MAGI2: variants seen among roughly 807,000 people sequenced by gnomAD.
MAGI2 encodes the protein membrane associated guanylate kinase, WW and PDZ domain containing 2, also known as membrane-associated guanylate kinase, WW and PDZ domain-containing protein 2.
MAGI2 carries 35 observed loss-of-function variants against 133.3 expected under a neutral mutation model. That is an observed-to-expected ratio of 0.26 (90% CI 0.20 to 0.35). The LOEUF (loss-of-function observed/expected upper bound fraction) is 0.35, where lower values mean the gene tolerates loss of function less well. MAGI2 is among the 10% of genes least tolerant of loss of function. MAGI2 has a pLI of 1.00. For missense variants in MAGI2, 1,636 were observed against 1,863.4 expected (o/e 0.88, Z 2.25); for synonymous variants, 729 against 710.6 (o/e 1.03, Z -0.41).
At chr7:79,268,261 C>A (rs1190565132) in intron 1 of MAGI2, among the ~76,000 whole-genome samples, 1 of 152,130 alleles carries the variant, frequency 6.6e-6, no homozygotes, top group East Asian at 1.9e-4. Flanking sequence ...TGAACCTCAA[C>A]ACTGGAAATG....
intron 2 of MAGI2, among the ~76,000 whole-genome samples, chr7:78,937,885 A>C (rs1398258022): frequency 6.6e-6 from 1 of 152,144 alleles, no homozygotes; most frequent in Non-Finnish European, 1.5e-5. Flanking sequence ...CTCAAATAGA[A>C]ATTGTATTTG....
chr7:78,567,401 CA>C (rs1801055309), intron 3 of MAGI2, among the ~76,000 whole-genome samples: 2 of 151,796 alleles, frequency 1.3e-5, no homozygotes, highest in African/African-American at 4.8e-5. Context: ...ACTACACACA[CA>C]CACACACACA....
At chr7:78,655,986 AAAAAAAAAAAAG>A (rs1790714585) in intron 2 of MAGI2, among the ~76,000 whole-genome samples, 1 of 150,218 alleles carries the variant, frequency 6.7e-6, no homozygotes, top group African/African-American at 2.4e-5. Flanking sequence ...GTCTCAAAAA[AAAAAAAAAAAAG>A]AAAAAGAAAA....
chr7:78,872,526 T>G (rs2151524774), intron 2 of MAGI2, among the ~76,000 whole-genome samples: 1 of 152,190 alleles, frequency 6.6e-6, no homozygotes, highest in African/African-American at 2.4e-5. Flanking sequence ...AATTTCAATC[T>G]CAAACCATAA....
chr7:78,998,786 C>T (rs1388766669), intron 2 of MAGI2, among the ~76,000 whole-genome samples: 1 of 152,132 alleles, frequency 6.6e-6, no homozygotes, highest in African/African-American at 2.4e-5. Flanking sequence ...TATTCCTTTC[C>T]TTCAGCAATG....
intron 2 of MAGI2, among the ~76,000 whole-genome samples, chr7:78,689,723 G>C (rs1028271293): frequency 4.4e-4 from 14 of 31,762 alleles, no homozygotes; most frequent in Non-Finnish European, 6.4e-4. Flanking sequence ...TCAGTGTTTT[G>C]CTAAAATTTA....
chr7:78,425,116 G>A (rs890973357), intron 6 of MAGI2, among the ~76,000 whole-genome samples: 3 of 152,100 alleles, frequency 2.0e-5, no homozygotes, highest in African/African-American at 4.8e-5. Flanking sequence ...TACATGTCTT[G>A]GGAAGAACTT....
intron 2 of MAGI2, among the ~76,000 whole-genome samples, chr7:78,747,658 A>G (rs113078247): frequency 1.1e-4 from 17 of 152,326 alleles, no homozygotes; most frequent in African/African-American, 3.8e-4. Flanking sequence ...CAACTAACGC[A>G]GAATCTCTCC....
intron 1 of MAGI2, among the ~76,000 whole-genome samples, chr7:79,067,022 T>C (rs1053580401): frequency 6.6e-6 from 1 of 152,212 alleles, no homozygotes; most frequent in Non-Finnish European, 1.5e-5. Flanking sequence ...ACTTGTAGTA[T>C]AGTTTGAAAC....
At chr7:78,589,413 C>T (rs1803758154) in intron 3 of MAGI2, among the ~76,000 whole-genome samples, 1 of 152,162 alleles carries the variant, frequency 6.6e-6, no homozygotes, top group African/African-American at 2.4e-5. Flanking sequence ...GGGATTTGGA[C>T]CCAGCCAGCC....
chr7:78,193,844 C>T (rs1487173455), intron 12 of MAGI2, among the ~76,000 whole-genome samples: 2 of 151,964 alleles, frequency 1.3e-5, no homozygotes, highest in African/African-American at 4.8e-5. Context: ...TATTTTTCAA[C>T]CAAAATTAGT....
At chr7:78,936,276 T>C (rs1800510394) in intron 2 of MAGI2, among the ~76,000 whole-genome samples, 1 of 151,996 alleles carries the variant, frequency 6.6e-6, no homozygotes, top group Non-Finnish European at 1.5e-5. Flanking sequence ...TGATCATTAC[T>C]TGGCACCATG....
intron 9 of MAGI2, among the ~76,000 whole-genome samples, chr7:78,330,995 T>C (rs986697641): frequency 2.0e-5 from 3 of 152,028 alleles, no homozygotes; most frequent in Non-Finnish European, 2.9e-5. Flanking sequence ...ACACACACCA[T>C]AGAACACACA....
At chr7:78,714,812 A>G (rs1422311989) in intron 2 of MAGI2, among the ~76,000 whole-genome samples, 1 of 152,210 alleles carries the variant, frequency 6.6e-6, no homozygotes, top group Non-Finnish European at 1.5e-5. Context: ...AAAGATGCTG[A>G]GCGATGGAAG....
intron 6 of MAGI2, among the ~76,000 whole-genome samples, chr7:78,387,497 A>G (rs6466176): frequency 0.54 from 82,198 of 152,004 alleles, 23,176 homozygotes; most frequent in Middle Eastern, 0.66. Context: ...TTGAAAATTG[A>G]CAAAGTATTT....
chr7:78,891,107 C>A (rs1388759935), intron 2 of MAGI2, among the ~76,000 whole-genome samples: 1 of 152,170 alleles, frequency 6.6e-6, no homozygotes, highest in Non-Finnish European at 1.5e-5. Flanking sequence ...CACCTCTATG[C>A]AAATAGACTA....
At position 78,741,376 on chromosome 7, in the gene MAGI2, A is replaced by AACACACACACAC. The variant is rs55784786; in HGVS notation, c.419-114149_419-114138dup. ...TGGAGGAATAGAAGAAAAAAGTTGAAACACACACACACACACACACACACA... is the reference window on the plus strand; with the variant it reads ...TGGAGGAATAGAAGAAAAAAGTTGAAACACACACACACACACACACACACACACACACACACA... On this transcript the variant is annotated intron_variant, in intron 2 of 21. Transcript: ENST00000354212. Among the ~76,000 whole-genome samples the AACACACACACAC allele has an allele frequency of 1.4e-4, 16 of 117,546 alleles. 1 individual carries two copies. Among genetic ancestry groups the AACACACACACAC allele is most frequent in the African/African-American group, 5.3e-4 (16 of 30,012 alleles). The allele number at this position is 117,546 out of a possible 152,430, so 77.1% of individuals were successfully genotyped here.
rs371628467 is a variant in MAGI2 at position 78,057,993 on chromosome 7, A to G, written c.3706+20954T>C. 1.8e-3 allele frequency among the ~76,000 whole-genome samples: 53 copies of G among 30,252 alleles called. 2 individuals carry two copies. Among genetic ancestry groups the G allele is most frequent in the East Asian group, 2.9e-3 (1 of 340 alleles). 19.8% of individuals were successfully genotyped at this position (30,252 alleles called of 152,430 possible). A position where few individuals can be genotyped will look rare whatever the true frequency, so the allele number is the denominator to read the frequency against. The stretch of plus-strand genomic sequence containing the variant: ...TATATATGTGTATATATATATATAT[A>G]TATATATATATGTATGAGAAACATC... On this transcript the variant is annotated intron_variant, in intron 21 of 21. Transcript: ENST00000354212.
At chr7:78,851,432 T>A (rs1011681625) in intron 2 of MAGI2, among the ~76,000 whole-genome samples, 2 of 152,088 alleles carry the variant, frequency 1.3e-5, no homozygotes, top group African/African-American at 4.8e-5. Flanking sequence ...ATGACATAAG[T>A]ATTCTTATGA....
Sources: gnomAD v4.1 joint callset for allele counts (sites outside exome capture counted in the v4.1 genomes callset) on GRCh38, gnomAD v4.1.1 for gene constraint, MANE v1.5 for transcripts, NCBI Gene and HGNC (gene_info 2026-07-23, HGNC 2026-07-21) for gene names.